ADGRB3: variants seen among roughly 807,000 people sequenced by gnomAD.
ADGRB3 encodes the protein brain-specific angiogenesis inhibitor 3.
A neutral mutation model predicts 193.4 loss-of-function variants in ADGRB3; 37 were observed. The ratio of observed to expected loss-of-function variants is 0.19; its 90% CI spans 0.15 to 0.25. The LOEUF (loss-of-function observed/expected upper bound fraction) is 0.25, where lower values mean the gene tolerates loss of function less well. Among genes scored for constraint, ADGRB3 ranks in the 10% least tolerant of loss-of-function variants. ADGRB3 has a pLI of 1.00. For synonymous variants in ADGRB3, 690 were observed against 644.2 expected (o/e 1.07, Z -1.08); for missense variants, 1,637 against 1,852.9 (o/e 0.88, Z 2.14).
chr6:68,943,409 A>G (rs551743829), intron 5 of ADGRB3, among the ~76,000 whole-genome samples: 9 of 152,270 alleles, frequency 5.9e-5, no homozygotes, highest in Middle Eastern at 3.4e-3. Context: ...TATAAATGTT[A>G]GGAGAATTAT....
chr6:69,340,246 G>C (rs1768946992), intron 26 of ADGRB3, among the ~76,000 whole-genome samples: 1 of 152,176 alleles, frequency 6.6e-6, no homozygotes, highest in Non-Finnish European at 1.5e-5. Flanking sequence ...ATCCAGGACA[G>C]TGAGAGATTT....
chr6:69,246,683 G>A (rs2127264557), intron 20 of ADGRB3, among the ~76,000 whole-genome samples: 1 of 152,268 alleles, frequency 6.6e-6, no homozygotes, highest in East Asian at 1.9e-4. Flanking sequence ...TGGGCTCAGG[G>A]CAAGCAAAGA....
intron 3 of ADGRB3, among the ~76,000 whole-genome samples, chr6:68,703,466 A>G (rs1279014573): frequency 6.6e-6 from 1 of 152,124 alleles, no homozygotes; most frequent in Non-Finnish European, 1.5e-5. Flanking sequence ...TATAATTTAT[A>G]CAATAATTCT....
chr6:69,333,142 C>A, intron 24 of ADGRB3, 134 bp downstream of exon 24: 1 of 1,006,826 alleles, frequency 9.9e-7, no homozygotes, highest in Non-Finnish European at 1.4e-6. Flanking sequence ...GTAGATTCTG[C>A]TATATAAAAG....
chr6:69,161,140 G>A (rs917846597), intron 17 of ADGRB3, among the ~76,000 whole-genome samples: 1 of 151,810 alleles, frequency 6.6e-6, no homozygotes, highest in Admixed American at 6.6e-5. Context: ...TACATAAAAT[G>A]GTTATAATAA....
intron 17 of ADGRB3, among the ~76,000 whole-genome samples, chr6:69,197,006 T>C (rs1343875516): frequency 6.6e-6 from 1 of 152,142 alleles, no homozygotes; most frequent in Non-Finnish European, 1.5e-5. Flanking sequence ...CCTGCTCATT[T>C]GCTCTGAGAA....
At chr6:69,198,498 G>A (rs1197611774) in intron 17 of ADGRB3, among the ~76,000 whole-genome samples, 1 of 152,050 alleles carries the variant, frequency 6.6e-6, no homozygotes, top group Admixed American at 6.6e-5. Flanking sequence ...GATGGGGAAG[G>A]CCTCTCAGAA....
At chr6:68,945,706 T>C (rs984281271) in intron 6 of ADGRB3, among the ~76,000 whole-genome samples, 1 of 152,148 alleles carries the variant, frequency 6.6e-6, no homozygotes. Context: ...ATGGCATTGA[T>C]TGGTTAAAAT....
At chr6:69,182,166 G>A (rs751655082) in intron 17 of ADGRB3, among the ~76,000 whole-genome samples, 4 of 152,078 alleles carry the variant, frequency 2.6e-5, no homozygotes, top group Non-Finnish European at 5.9e-5. Context: ...TATGACACAC[G>A]TATAAAACTG....
chr6:69,286,902 C>T (rs1767564012), intron 20 of ADGRB3, among the ~76,000 whole-genome samples: 1 of 152,178 alleles, frequency 6.6e-6, no homozygotes, highest in Non-Finnish European at 1.5e-5. Context: ...CAACTATTGA[C>T]CTCTCTGATG....
At chr6:69,303,131 A>G (rs1448556045) in intron 20 of ADGRB3, among the ~76,000 whole-genome samples, 1 of 151,950 alleles carries the variant, frequency 6.6e-6, no homozygotes, top group Non-Finnish European at 1.5e-5. Context: ...TGAATGTAGC[A>G]GTTAATAGTA....
intron 3 of ADGRB3, among the ~76,000 whole-genome samples, chr6:68,730,154 A>G (rs750565076): frequency 6.6e-6 from 1 of 151,676 alleles, no homozygotes; most frequent in Non-Finnish European, 1.5e-5. Context: ...GAATACTTAA[A>G]TTCTTATATT....
intron 20 of ADGRB3, among the ~76,000 whole-genome samples, chr6:69,251,540 T>G (rs1421150837): frequency 6.6e-6 from 1 of 152,188 alleles, no homozygotes; most frequent in Admixed American, 6.6e-5. Context: ...TATCTAAGCC[T>G]CAGTTGTTTT....
intron 17 of ADGRB3, among the ~76,000 whole-genome samples, chr6:69,197,679 G>T (rs2150356869): frequency 6.6e-6 from 1 of 152,136 alleles, no homozygotes; most frequent in East Asian, 1.9e-4. Context: ...CTGAGACTTA[G>T]ATAATGTTTG....
At chr6:68,978,754 C>A (rs1353715638) in intron 10 of ADGRB3, among the ~76,000 whole-genome samples, 3 of 151,418 alleles carry the variant, frequency 2.0e-5, no homozygotes, top group Non-Finnish European at 4.4e-5. Context: ...GTGCATTTTT[C>A]TCCTCTAGTA....
chr6:68,875,997 G>A (rs1265762460), intron 3 of ADGRB3, among the ~76,000 whole-genome samples: 1 of 151,954 alleles, frequency 6.6e-6, no homozygotes, highest in Non-Finnish European at 1.5e-5. Flanking sequence ...GAATCTTAGT[G>A]GGAGTTACTT....
At chr6:68,895,874 A>T (rs913023412) in intron 3 of ADGRB3, among the ~76,000 whole-genome samples, 1 of 152,078 alleles carries the variant, frequency 6.6e-6, no homozygotes, top group Non-Finnish European at 1.5e-5. Flanking sequence ...ACAAAAACAT[A>T]TAAAATATCA....
chr6:68,947,082 G>C (rs573572930), intron 6 of ADGRB3, among the ~76,000 whole-genome samples: 9 of 152,214 alleles, frequency 5.9e-5, no homozygotes, highest in African/African-American at 2.2e-4. Context: ...TGCATCCCCT[G>C]TCTGAGAACA....
chr6:69,014,737 AAG>A (rs750913148), intron 12 of ADGRB3, among the ~76,000 whole-genome samples: 1 of 152,048 alleles, frequency 6.6e-6, no homozygotes, highest in African/African-American at 2.4e-5. Flanking sequence ...GAAGTCTAGA[AAG>A]AGAGAAAAAT....
Sources: gnomAD v4.1 joint callset for allele counts (sites outside exome capture counted in the v4.1 genomes callset) on GRCh38, gnomAD v4.1.1 for gene constraint, MANE v1.5 for transcripts, NCBI Gene and HGNC (gene_info 2026-07-23, HGNC 2026-07-21) for gene names.